The following KCNN3 variants were observed in gnomAD, a reference collection of about 807,000 sequenced individuals.
KCNN3 encodes the protein small conductance calcium-activated potassium channel protein 3.
In KCNN3, 16 loss-of-function variants were observed where a neutral mutation model predicts 62.9. That is an observed-to-expected ratio of 0.25 (90% CI 0.17 to 0.39). The LOEUF (loss-of-function observed/expected upper bound fraction) is 0.39, where lower values mean the gene tolerates loss of function less well. Among genes scored for constraint, KCNN3 ranks in the 10% least tolerant of loss-of-function variants. The pLI is 1.00. For synonymous variants in KCNN3, 370 were observed against 389.2 expected, an observed-to-expected ratio of 0.95 and a Z score of 0.58; for missense variants, 599 against 949.4, an observed-to-expected ratio of 0.63 and a Z score of 4.85.
intron 5 of KCNN3, among the ~76,000 whole-genome samples, chr1:154,721,965 C>T (rs900880332): frequency 6.6e-6 from 1 of 151,678 alleles, no homozygotes; most frequent in Non-Finnish European, 1.5e-5. Flanking sequence ...ACAGAAATGA[C>T]GTTGCCACCA....
intron 2 of KCNN3, among the ~76,000 whole-genome samples, chr1:154,776,997 C>T (rs775438990): frequency 6.6e-6 from 1 of 152,158 alleles, no homozygotes; most frequent in Non-Finnish European, 1.5e-5. Context: ...TTCCTTGTTC[C>T]CTGTGGCATC....
chr1:154,793,727 G>A (rs934975983), intron 2 of KCNN3, among the ~76,000 whole-genome samples: 2 of 152,180 alleles, frequency 1.3e-5, no homozygotes, highest in African/African-American at 4.8e-5. Flanking sequence ...AAGAATGGCT[G>A]GAGTAGTTAA....
chr1:154,815,395 G>A (rs972346905), intron 2 of KCNN3, among the ~76,000 whole-genome samples: 7 of 152,002 alleles, frequency 4.6e-5, no homozygotes, highest in African/African-American at 9.7e-5. Flanking sequence ...TGCTCCTGGC[G>A]AATGCAGGGC....
At chr1:154,770,887 T>G (rs1294230915) in intron 3 of KCNN3, among the ~76,000 whole-genome samples, 2 of 151,986 alleles carry the variant, frequency 1.3e-5, no homozygotes, top group Non-Finnish European at 2.9e-5. Flanking sequence ...TGAAACCCCA[T>G]CTCTACTAAA....
At chr1:154,757,762 G>A (rs1307841911) in intron 3 of KCNN3, among the ~76,000 whole-genome samples, 1 of 152,200 alleles carries the variant, frequency 6.6e-6, no homozygotes, top group Non-Finnish European at 1.5e-5. Context: ...GGTGGAGTCT[G>A]ACCAGAAGTC....
intron 4 of KCNN3, 45 bp from the exon 5 acceptor site, chr1:154,726,071 T>C: frequency 6.9e-7 from 1 of 1,452,202 alleles, no homozygotes; most frequent in South Asian, 1.2e-5. Flanking sequence ...GAACATATCA[T>C]TAAGAGGCAA....
chr1:154,717,331 G>A (rs1700252468), intron 5 of KCNN3, among the ~76,000 whole-genome samples: 1 of 152,188 alleles, frequency 6.6e-6, no homozygotes, highest in Non-Finnish European at 1.5e-5. Context: ...GTACCATACA[G>A]ATATTAGTTA....
At chr1:154,865,679 T>C (rs1045692542) in intron 1 of KCNN3, among the ~76,000 whole-genome samples, 2 of 152,058 alleles carry the variant, frequency 1.3e-5, no homozygotes, top group African/African-American at 4.8e-5. Flanking sequence ...CCACCCTCCT[T>C]TTCAAAAGAC....
intron 1 of KCNN3, among the ~76,000 whole-genome samples, chr1:154,849,258 CA>C (rs1316920728): frequency 6.6e-6 from 1 of 152,230 alleles, no homozygotes; most frequent in Non-Finnish European, 1.5e-5. Flanking sequence ...CCATCTTCCC[CA>C]AATGGAGACT....
chr1:154,863,046 G>A (rs959249811), intron 1 of KCNN3, among the ~76,000 whole-genome samples: 2 of 152,142 alleles, frequency 1.3e-5, no homozygotes, highest in African/African-American at 4.8e-5. Context: ...CGGGTGTAAT[G>A]TAAAGCCAGC....
chr1:154,814,473 G>C (rs1251367563), intron 2 of KCNN3, among the ~76,000 whole-genome samples: 1 of 152,168 alleles, frequency 6.6e-6, no homozygotes, highest in African/African-American at 2.4e-5. Context: ...GCTGCTATAA[G>C]AGCTGGTGCT....
At chr1:154,831,434 A>T (rs1467886510) in intron 1 of KCNN3, among the ~76,000 whole-genome samples, 1 of 152,168 alleles carries the variant, frequency 6.6e-6, no homozygotes, top group Non-Finnish European at 1.5e-5. Flanking sequence ...ATTAAATTGG[A>T]ATCTCTGCAA....
rs1699775063 is a variant in KCNN3, at chr1:154,698,105, A to G, written c.*9871T>C. 1 of 152,210 alleles carries G rather than the reference A, an allele frequency of 6.6e-6. No individual in the cohort carries two copies. Among genetic ancestry groups the G allele is most frequent in the Non-Finnish European group, 1.5e-5 (1 of 68,038 alleles). 9.4% of individuals were successfully genotyped at this position (152,210 alleles called of 1,614,324 possible). On this transcript the variant is annotated 3_prime_UTR_variant, in exon 8 of 8. Transcript: ENST00000271915. ...ATGACAGCAGTAGAAATGCAGCTAGATATATTTTTGAAAACATTTTTTAGG... is the reference window on the plus strand; with the variant it reads ...ATGACAGCAGTAGAAATGCAGCTAGGTATATTTTTGAAAACATTTTTTAGG...
intron 1 of KCNN3, among the ~76,000 whole-genome samples, chr1:154,851,360 G>C (rs1038947183): frequency 6.6e-6 from 1 of 152,152 alleles, no homozygotes; most frequent in Admixed American, 6.5e-5. Context: ...CAGGAGCCCA[G>C]GCAGAAGCTT....
intron 2 of KCNN3, among the ~76,000 whole-genome samples, chr1:154,773,415 T>A (rs1405755059): frequency 6.6e-6 from 1 of 152,194 alleles, no homozygotes; most frequent in Admixed American, 6.5e-5. Flanking sequence ...TCTAGAAAAT[T>A]AATGAAAACC....
At chr1:154,740,643 C>G (rs539280269) in intron 3 of KCNN3, among the ~76,000 whole-genome samples, 2 of 152,234 alleles carry the variant, frequency 1.3e-5, no homozygotes, top group Non-Finnish European at 2.9e-5. Flanking sequence ...TCCATATCCT[C>G]ATTAACACTT....
intron 1 of KCNN3, chr1:154,859,871 T>C (rs748969437): frequency 2.0e-6 from 3 of 1,528,920 alleles, no homozygotes; most frequent in African/African-American, 1.4e-5. Flanking sequence ...AGCACTCCTG[T>C]CCTTTAAGAA....
At chr1:154,800,720 G>A (rs184456909) in intron 2 of KCNN3, among the ~76,000 whole-genome samples, 52 of 152,208 alleles carry the variant, frequency 3.4e-4, no homozygotes, top group African/African-American at 1.2e-3. Context: ...AGGCTTCACC[G>A]GGAGATGCCT....
intron 2 of KCNN3, among the ~76,000 whole-genome samples, chr1:154,804,759 G>A (rs887655698): frequency 2.7e-4 from 41 of 151,986 alleles, no homozygotes; most frequent in South Asian, 8.3e-4. Context: ...CCTAGGTAAC[G>A]GCTATTCTGA....
Sources: allele counts gnomAD v4.1 joint callset (sites outside exome capture counted in the v4.1 genomes callset), GRCh38; gene constraint gnomAD v4.1.1; transcripts MANE v1.5; gene names NCBI Gene and HGNC (gene_info 2026-07-23, HGNC 2026-07-21).